Variants in FAM91A1 observed in about 807,000 individuals in gnomAD.
FAM91A1 encodes family with sequence similarity 91 member A1, also known as protein FAM91A1.
Under a neutral mutation model 113.5 loss-of-function variants are expected in FAM91A1, and 41 were observed. The observed-to-expected ratio is 0.36, with a 90% CI of 0.28 to 0.47. The LOEUF (loss-of-function observed/expected upper bound fraction) is 0.47. Among genes scored for constraint, FAM91A1 ranks in the 20% least tolerant of loss-of-function variants. The pLI is 1.00. For synonymous variants in FAM91A1, 307 were observed against 347.9 expected (o/e 0.88, Z 1.31); for missense variants, 696 against 1,001.2 (o/e 0.70, Z 4.11).
At position 123,806,095 on chromosome 8, in the gene FAM91A1, A is replaced by G. The variant is rs1815796822; in HGVS notation, c.1898A>G (p.Asn633Ser). ...CTGTTTGTAGAGTTCACTCGTGTCAATATGGGTGTTCATAAAGCATTGCAG... is the reference window on the plus strand; with the variant it reads ...CTGTTTGTAGAGTTCACTCGTGTCAGTATGGGTGTTCATAAAGCATTGCAG... ...TELQGEFTRVNMGVHKALQIL... is the reference protein window; with the variant it reads ...TELQGEFTRVSMGVHKALQIL... The change falls in exon 20 of 24, where the codon AAT (asparagine) becomes AGT (serine). Residue 633 changes from asparagine (N) to serine (S), a missense_variant. By Grantham distance (46) the Asn-to-Ser change is conservative. Transcript: ENST00000334705. 2 of 1,604,442 alleles carry G rather than the reference A, an allele frequency of 1.2e-6. No individual in the cohort carries two copies. The highest frequency in any genetic ancestry group is 1.7e-6 in the Non-Finnish European group (2 of 1,174,504).
At chr8:123,788,278 A>G (rs1815306047) in intron 14 of FAM91A1, 4 of 973,730 alleles carry the variant, frequency 4.1e-6, no homozygotes, top group Non-Finnish European at 4.9e-6. Flanking sequence ...CCTTAGCTCT[A>G]AATAAATCTG....
intron 8 of FAM91A1, among the ~76,000 whole-genome samples, chr8:123,783,345 G>A (rs1815169215): frequency 6.9e-6 from 1 of 144,736 alleles, no homozygotes; most frequent in African/African-American, 2.6e-5. Flanking sequence ...AGCTGATAGT[G>A]TAGGGAAATA....
chr8:123,797,702 C>G (rs751653471), intron 15 of FAM91A1, among the ~76,000 whole-genome samples: 3 of 152,138 alleles, frequency 2.0e-5, no homozygotes, highest in Non-Finnish European at 4.4e-5. Flanking sequence ...GTAGTTAAGT[C>G]ATTGGGAAGT....
chr8:123,789,919 A>T (rs189344412), intron 15 of FAM91A1, among the ~76,000 whole-genome samples, 174 bp downstream of exon 15: 5 of 152,280 alleles, frequency 3.3e-5, no homozygotes, highest in Admixed American at 3.3e-4. Context: ...ACTGTTTCTT[A>T]ACCTTATTTT....
chr8:123,800,263 T>G (rs1815641369), intron 18 of FAM91A1, among the ~76,000 whole-genome samples: 1 of 138,448 alleles, frequency 7.2e-6, no homozygotes, highest in Non-Finnish European at 1.5e-5. Flanking sequence ...TTTTCCTATA[T>G]GTATATATAT....
At chr8:123,779,600 T>C (rs1815069986) in intron 6 of FAM91A1, among the ~76,000 whole-genome samples, 1 of 152,234 alleles carries the variant, frequency 6.6e-6, no homozygotes. Flanking sequence ...TTAATGGAAC[T>C]CTCAAACTGT....
Position 123,810,264 on chromosome 8 carries a change from C to T in FAM91A1, c.2262-18C>T, listed in dbSNP as rs201185137. 115 of 1,585,972 alleles carry T rather than the reference C, an allele frequency of 7.3e-5. No homozygotes were observed. In the African/African-American group the frequency reaches 1.1e-3, roughly 16 times the overall value. On this transcript the variant is annotated intron_variant, in intron 22 of 23. Coordinates refer to ENST00000334705, the MANE Select transcript of FAM91A1 (RefSeq NM_144963.4). ...TTTATGTTTGTTTTAAACTGTTTCTCGCCTTTTTTTTTTTCAGCCTTCAAA... is the reference window on the plus strand; with the variant it reads ...TTTATGTTTGTTTTAAACTGTTTCTTGCCTTTTTTTTTTTCAGCCTTCAAA...
intron 1 of FAM91A1, among the ~76,000 whole-genome samples, chr8:123,769,022 C>G (rs565986521): frequency 9.2e-5 from 14 of 152,314 alleles, no homozygotes; most frequent in Admixed American, 2.6e-4. Flanking sequence ...GGCGCCTTTG[C>G]CCGCAGGATA....
At chr8:123,807,480 C>CAAAAA (rs546080328) in intron 20 of FAM91A1, among the ~76,000 whole-genome samples, 27 of 58,630 alleles carry the variant, frequency 4.6e-4, no homozygotes, top group Admixed American at 1.1e-3. Flanking sequence ...CCTGTCTCTA[C>CAAAAA]AAAAAAAAAA....
At chr8:123,781,756 A>G (rs962272442) in intron 8 of FAM91A1, among the ~76,000 whole-genome samples, 2 of 152,180 alleles carry the variant, frequency 1.3e-5, no homozygotes, top group African/African-American at 4.8e-5. Context: ...AAGTGCTGGG[A>G]TTACAGGCGT....
chr8:123,786,018 C>A, intron 11 of FAM91A1: 1 of 427,580 alleles, frequency 2.3e-6, no homozygotes, highest in Non-Finnish European at 4.5e-6. Flanking sequence ...GGGGTTTCAC[C>A]ATGTTAGCCA....
Position 123,810,272 on chromosome 8 carries a change from T to C in FAM91A1, c.2262-10T>C, listed in dbSNP as rs760082273. 1.3e-6 allele frequency: 2 copies of C among 1,593,852 alleles called. No individual in the cohort carries two copies. The highest frequency in any genetic ancestry group is 1.2e-5 in the South Asian group (1 of 86,124). ...TGTTTTAAACTGTTTCTCGCCTTTTTTTTTTTCAGCCTTCAAAACCTCTTA... is the reference window on the plus strand; with the variant it reads ...TGTTTTAAACTGTTTCTCGCCTTTTCTTTTTTCAGCCTTCAAAACCTCTTA... On this transcript the variant is annotated splice_polypyrimidine_tract_variant and intron_variant, in intron 22 of 23. Transcript: ENST00000334705.
intron 18 of FAM91A1, among the ~76,000 whole-genome samples, chr8:123,803,240 T>G (rs1347498236): frequency 6.6e-6 from 1 of 151,256 alleles, no homozygotes; most frequent in African/African-American, 2.4e-5. Context: ...AAGTTAGGTT[T>G]TTTTTTTTTT....
intron 23 of FAM91A1, among the ~76,000 whole-genome samples, chr8:123,811,794 G>A (rs967422499): frequency 2.0e-5 from 3 of 152,156 alleles, no homozygotes; most frequent in African/African-American, 4.8e-5. Context: ...AGGTCTGTGC[G>A]GAATATATGA....
chr8:123,791,511 A>G (rs149483160), intron 15 of FAM91A1, among the ~76,000 whole-genome samples: 109 of 152,278 alleles, frequency 7.2e-4, no homozygotes, highest in African/African-American at 2.5e-3. Context: ...GGTGGGTTTA[A>G]TGTTAGACTG....
At chr8:123,791,785 A>G (rs1000274495) in intron 15 of FAM91A1, among the ~76,000 whole-genome samples, 4 of 152,170 alleles carry the variant, frequency 2.6e-5, no homozygotes, top group Non-Finnish European at 5.9e-5. Flanking sequence ...TATGTAGAGG[A>G]TATCTTAGGG....
At chr8:123,798,447 G>C (rs1386949513) in intron 16 of FAM91A1, among the ~76,000 whole-genome samples, 1 of 152,134 alleles carries the variant, frequency 6.6e-6, no homozygotes, top group Non-Finnish European at 1.5e-5. Context: ...TGACACATTA[G>C]ATTAAAATTT....
At chr8:123,788,124 T>G in intron 14 of FAM91A1, 2 of 915,940 alleles carry the variant, frequency 2.2e-6, no homozygotes, top group Non-Finnish European at 2.6e-6. Context: ...GATTTGAAGT[T>G]TTTGTTCCAT....
intron 23 of FAM91A1, 185 bp downstream of exon 23, chr8:123,810,536 G>A (rs1052130265): frequency 7.4e-6 from 5 of 677,982 alleles, no homozygotes; most frequent in South Asian, 1.7e-5. Flanking sequence ...CCAGGTCTTC[G>A]GAGACCAAAG....
Sources: gnomAD v4.1 joint callset for allele counts (sites outside exome capture counted in the v4.1 genomes callset) on GRCh38, gnomAD v4.1.1 for gene constraint, MANE v1.5 for transcripts, NCBI Gene and HGNC (gene_info 2026-07-23, HGNC 2026-07-21) for gene names.